Variants in UBR2 observed in about 807,000 individuals in gnomAD.
UBR2 encodes E3 ubiquitin-protein ligase UBR2.
In UBR2, 92 loss-of-function variants were observed where a neutral mutation model predicts 247.9. That is an observed-to-expected ratio of 0.37 (90% CI 0.31 to 0.44). The LOEUF is 0.44. Among genes scored for constraint, UBR2 ranks in the 20% least tolerant of loss-of-function variants. The probability of loss-of-function intolerance (pLI) is 1.00; values close to 1 mark genes in which losing one functional copy is unlikely to be tolerated. For synonymous variants in UBR2, 672 were observed against 693.5 expected (o/e 0.97, Z 0.49); for missense variants, 1,613 against 2,112.6 (o/e 0.76, Z 4.64).
At chr6:42,590,400 T>C (rs1297612677) in intron 2 of UBR2, among the ~76,000 whole-genome samples, 1 of 152,214 alleles carries the variant, frequency 6.6e-6, no homozygotes, top group Admixed American at 6.5e-5. Context: ...GCTTTACTTT[T>C]CTTTATATGA....
intron 46 of UBR2, 75 bp from the exon 47 acceptor site, chr6:42,690,957 A>G (rs1799722039): frequency 8.3e-6 from 13 of 1,564,334 alleles, no homozygotes; most frequent in Non-Finnish European, 1.0e-5. Flanking sequence ...AACCTTGCCT[A>G]AATCAGGAAG....
rs746505467 is a variant in UBR2, at chr6:42,650,287, A to G, written c.2466A>G (p.Lys822=). ...TCTAAGGTCCTTTCTTTCACAGGAAACCTGGATTAACAGGACGAGGCATGT... is the reference window on the plus strand; with the variant it reads ...TCTAAGGTCCTTTCTTTCACAGGAAGCCTGGATTAACAGGACGAGGCATGT... ...SVIEAVAHFK[K]PGLTGRGMYE... is the part of the protein sequence containing the mutation. The change falls in exon 23 of 47, where the codon AAA becomes AAG. Residue 822 remains lysine (K), a synonymous_variant. Transcript: ENST00000372901. 2.5e-6 allele frequency: 4 copies of G among 1,612,810 alleles called. No homozygotes were observed.
intron 3 of UBR2, among the ~76,000 whole-genome samples, chr6:42,593,665 G>T (rs1293262168): frequency 6.6e-6 from 1 of 152,084 alleles, no homozygotes; most frequent in Non-Finnish European, 1.5e-5. Flanking sequence ...GTCTACTTTT[G>T]CATTTCCTGA....
At chr6:42,639,185 A>C (rs942264905) in intron 15 of UBR2, among the ~76,000 whole-genome samples, 2 of 152,250 alleles carry the variant, frequency 1.3e-5, no homozygotes, top group Non-Finnish European at 2.9e-5. Flanking sequence ...TTAGTAGTGC[A>C]AGTTTTCCTA....
intron 2 of UBR2, among the ~76,000 whole-genome samples, chr6:42,578,911 C>T (rs759377153): frequency 2.0e-5 from 3 of 151,778 alleles, no homozygotes; most frequent in Non-Finnish European, 4.4e-5. Flanking sequence ...TGCGGTGAGC[C>T]GAGATCATGC....
Position 42,673,759 on chromosome 6 carries a change from T to G in UBR2, c.4087-32T>G, listed in dbSNP as rs73424450. 4.8e-3 allele frequency: 7,396 copies of G among 1,550,282 alleles called. 276 individuals are homozygous for G. The African/African-American group carries it at 0.087, about 18-fold the overall frequency. ...CTGAAAGAGAACTGCTTTGCATTTT[T>G]GTTTTTTGTTAATTGCGTTGGTTTA... On this transcript the variant is annotated intron_variant, in intron 36 of 46. Transcript: ENST00000372901.
chr6:42,686,683 C>T (rs981785363), intron 44 of UBR2, among the ~76,000 whole-genome samples: 5 of 151,316 alleles, frequency 3.3e-5, no homozygotes, highest in African/African-American at 9.7e-5. Context: ...ACCTCCCGGA[C>T]GGGGCGGCTG....
chr6:42,576,213 C>T (rs1373019584), intron 2 of UBR2, among the ~76,000 whole-genome samples: 1 of 152,090 alleles, frequency 6.6e-6, no homozygotes, highest in Non-Finnish European at 1.5e-5. Context: ...CTCAGGCTGT[C>T]TCAATGGAGC....
At chr6:42,655,578 AT>A in intron 25 of UBR2, 42 bp from the exon 26 acceptor site, 1 of 1,209,512 alleles carries the variant, frequency 8.3e-7, no homozygotes, top group East Asian at 2.7e-5. Flanking sequence ...TATGTACTTG[AT>A]TTTTTAAATT....
chr6:42,607,024 A>G (rs1382381943), intron 7 of UBR2, among the ~76,000 whole-genome samples: 1 of 152,176 alleles, frequency 6.6e-6, no homozygotes, highest in Admixed American at 6.5e-5. Flanking sequence ...GGCAAAATAT[A>G]TTCCATATCC....
At chr6:42,615,941 C>A (rs2151939491) in intron 9 of UBR2, 61 bp from the exon 10 acceptor site, 1 of 1,256,756 alleles carries the variant, frequency 8.0e-7, no homozygotes, top group Non-Finnish European at 1.1e-6. Flanking sequence ...GATCACATAA[C>A]ACTTGAGAAA....
At chr6:42,672,188 G>A (rs991765932) in intron 36 of UBR2, among the ~76,000 whole-genome samples, 10 of 151,866 alleles carry the variant, frequency 6.6e-5, no homozygotes, top group Admixed American at 3.9e-4. Context: ...GCATGCCACC[G>A]TGCCCAGCTA....
chr6:42,675,983 AG>A, intron 38 of UBR2, 72 bp from the exon 39 acceptor site: 2 of 1,501,270 alleles, frequency 1.3e-6, no homozygotes, highest in Admixed American at 2.4e-5. Flanking sequence ...TAAAAGTAAA[AG>A]TAAGAAGATG....
Position 42,616,053 on chromosome 6 carries a change from T to C in UBR2, c.1145T>C (p.Leu382Ser). The C allele has an allele frequency of 6.2e-7, 1 of 1,608,938 alleles. No individual in the cohort carries two copies. Among genetic ancestry groups the C allele is most frequent in the Non-Finnish European group, 8.5e-7 (1 of 1,178,860 alleles). Residue 382 changes from leucine to serine, a missense_variant, in exon 10 of 47, where the codon TTG becomes TCG. Physicochemically the swap from Leu to Ser is moderately radical, Grantham distance 145. This residue lies in a region of UBR2 where 1,524 missense variants were observed against 1,967.3 expected (regional missense o/e 0.77). Coordinates refer to ENST00000372901, the MANE Select transcript of UBR2 (RefSeq NM_001363705.2). ...TTCATGAGCAGTCTGCTTATGGATT[T>C]GAAATACAAGAAACTATTTGCTGTT... The part of the protein sequence containing the change: ...QLFMSSLLMD[L>S]KYKKLFAVRF...
At chr6:42,684,942 TTTG>T (rs767850544) in intron 44 of UBR2, 71 bp downstream of exon 44, 6 of 1,266,400 alleles carry the variant, frequency 4.7e-6, no homozygotes, top group South Asian at 2.6e-5. Context: ...TTTGAAGGAT[TTTG>T]TTGTTGTTCT....
chr6:42,629,663 AT>A (rs889103788), intron 11 of UBR2, among the ~76,000 whole-genome samples: 9 of 152,126 alleles, frequency 5.9e-5, no homozygotes. Context: ...TCTCAAAAAA[AT>A]ATATATAATT....
At chr6:42,613,498 G>T (rs1036041094) in intron 8 of UBR2, among the ~76,000 whole-genome samples, 1 of 152,074 alleles carries the variant, frequency 6.6e-6, no homozygotes, top group Non-Finnish European at 1.5e-5. Context: ...GTGGTGGGAC[G>T]ATCCCTCGAG....
At chr6:42,614,403 CGTAT>C (rs1794379553) in intron 8 of UBR2, among the ~76,000 whole-genome samples, 2 of 62,556 alleles carry the variant, frequency 3.2e-5, no homozygotes, top group Admixed American at 1.9e-4. Context: ...TACATACATA[CGTAT>C]GTATGTACGT....
At chr6:42,676,719 C>A in intron 39 of UBR2, 64 bp from the exon 40 acceptor site, 1 of 1,262,866 alleles carries the variant, frequency 7.9e-7, no homozygotes, top group Non-Finnish European at 1.2e-6. Context: ...TGCTTAATGT[C>A]TTCAGTCCTT....
Sources: gnomAD v4.1 joint callset for allele counts (sites outside exome capture counted in the v4.1 genomes callset) on GRCh38, gnomAD v4.1.1 for gene constraint, gnomAD v4.1.1 regional missense constraint, MANE v1.5 for transcripts, NCBI Gene and HGNC (gene_info 2026-07-23, HGNC 2026-07-21) for gene names.